FLT1: variants seen among roughly 807,000 people sequenced by gnomAD.
FLT1 encodes the protein fms related receptor tyrosine kinase 1, also known as vascular endothelial growth factor receptor 1.
In FLT1, 49 loss-of-function variants were observed where a neutral mutation model predicts 156.3. The ratio of observed to expected loss-of-function variants is 0.31; its 90% CI spans 0.25 to 0.40. The LOEUF (loss-of-function observed/expected upper bound fraction) is 0.40. Ranked by LOEUF, FLT1 falls within the 10% of genes least tolerant of loss-of-function variation. FLT1 has a pLI of 1.00. For missense variants in FLT1, 1,322 were observed against 1,637.2 expected (o/e 0.81, Z 3.32); for synonymous variants, 594 against 583.8 (o/e 1.02, Z -0.25).
intron 15 of FLT1, among the ~76,000 whole-genome samples, chr13:28,349,729 A>T (rs1173602581): frequency 6.6e-6 from 1 of 152,160 alleles, no homozygotes; most frequent in East Asian, 1.9e-4. Flanking sequence ...GTCTAATTCC[A>T]CAGTCCTTAC....
At chr13:28,465,715 C>T (rs752725812) in intron 3 of FLT1, among the ~76,000 whole-genome samples, 2 of 152,056 alleles carry the variant, frequency 1.3e-5, no homozygotes, top group African/African-American at 2.4e-5. Context: ...TGGTGGCAGA[C>T]GCCTGTAATC....
intron 27 of FLT1, among the ~76,000 whole-genome samples, chr13:28,310,282 A>T (rs1336100665): frequency 6.6e-6 from 1 of 152,130 alleles, no homozygotes; most frequent in Non-Finnish European, 1.5e-5. Context: ...CCTACTGCAA[A>T]GAGAGATGCT....
intron 10 of FLT1, among the ~76,000 whole-genome samples, chr13:28,418,765 CCTCT>C (rs1477710958): frequency 6.6e-6 from 1 of 151,802 alleles, no homozygotes; most frequent in Non-Finnish European, 1.5e-5. Context: ...AGAGATGGGG[CCTCT>C]CTATGTTGCC....
At chr13:28,347,468 C>G (rs1226941259) in intron 15 of FLT1, among the ~76,000 whole-genome samples, 2 of 152,022 alleles carry the variant, frequency 1.3e-5, no homozygotes, top group Non-Finnish European at 2.9e-5. Context: ...TTGCAGTGAG[C>G]TGAGATCGCA....
intron 14 of FLT1, among the ~76,000 whole-genome samples, chr13:28,369,435 G>A (rs1279796626): frequency 6.6e-6 from 1 of 151,794 alleles, no homozygotes; most frequent in Non-Finnish European, 1.5e-5. Context: ...TGAGGCAGGA[G>A]AATTGCTTGA....
At chr13:28,314,980 A>T (rs1454024640) in intron 25 of FLT1, among the ~76,000 whole-genome samples, 1 of 152,114 alleles carries the variant, frequency 6.6e-6, no homozygotes, top group Non-Finnish European at 1.5e-5. Context: ...CCTCTGAGTT[A>T]TTTGCGACCA....
chr13:28,381,213 A>ATCTT (rs1251512361), intron 14 of FLT1, among the ~76,000 whole-genome samples: 2 of 152,148 alleles, frequency 1.3e-5, no homozygotes, highest in Non-Finnish European at 2.9e-5. Flanking sequence ...TCCTACACTA[A>ATCTT]TCTTTCATAA....
intron 14 of FLT1, among the ~76,000 whole-genome samples, chr13:28,363,090 A>T (rs1465276278): frequency 2.0e-5 from 3 of 152,090 alleles, no homozygotes; most frequent in Middle Eastern, 6.4e-3. Context: ...TACTTAATTC[A>T]TTGTTGTCTC....
rs1346648905 is a variant in FLT1, at chr13:28,439,533, T to C, written c.389-1188A>G. ...GAACTGTGTCCCCACCAAAACGATA[T>C]GCTGAAGTCCTAACCCCCCTGTACT... On this transcript the variant is annotated intron_variant, in intron 3 of 29. Transcript: ENST00000282397. This position sits in a 1 kb window ranked among gnomAD's most constrained non-coding sequence, Gnocchi z 4.1. Among the ~76,000 whole-genome samples, 3 of 152,238 alleles carry C rather than the reference T, an allele frequency of 2.0e-5. No individual in the cohort carries two copies. Among genetic ancestry groups the C allele is most frequent in the South Asian group, 2.1e-4 (1 of 4,832 alleles).
At chr13:28,345,900 C>G (rs975058952) in intron 15 of FLT1, 2 of 224,440 alleles carry the variant, frequency 8.9e-6, no homozygotes, top group Admixed American at 5.2e-5. Context: ...GGAACAAAAG[C>G]CCATTAAAAT....
Position 28,333,931 on chromosome 13 carries a change from G to T in FLT1, c.2593+94C>A, listed in dbSNP as rs1872021094. 8.2e-6 allele frequency: 7 copies of T among 850,980 alleles called. No homozygotes were observed. The Admixed American group carries it at 1.2e-4, about 14-fold the overall frequency. The allele number at this position is 850,980 out of a possible 1,614,324, so 52.7% of individuals were successfully genotyped here. Reference sequence around the variant, plus strand: ...TTATGTGTCCAGAGCAGAAAAGCTTGTGTCTGTTCCCAGGCTATATCTAAC... The same window carrying T: ...TTATGTGTCCAGAGCAGAAAAGCTTTTGTCTGTTCCCAGGCTATATCTAAC... On this transcript the variant is annotated intron_variant, in intron 18 of 29. Transcript: ENST00000282397.
rs113851009 is a variant in FLT1 at position 28,317,643 on chromosome 13, G to A, written c.3287-46C>T. ...AACACAGGGCCTGTTATGGCTTAAG[G>A]GTACAAAAGACCAAGAGGGGACAAT... On this transcript the variant is annotated intron_variant, in intron 24 of 29. Transcript: ENST00000282397. 324 of 1,238,862 alleles carry A rather than the reference G, an allele frequency of 2.6e-4. No homozygotes were observed. The African/African-American group carries it at 4.1e-3, about 16-fold the overall frequency. The allele number at this position is 1,238,862 out of a possible 1,614,324, so 76.7% of individuals were successfully genotyped here.
intron 6 of FLT1, among the ~76,000 whole-genome samples, 158 bp from the exon 7 acceptor site, chr13:28,431,468 C>T (rs1877678329): frequency 6.6e-6 from 1 of 152,208 alleles, no homozygotes; most frequent in Non-Finnish European, 1.5e-5. Flanking sequence ...TTGGAAACTA[C>T]ATCTGTGTCT....
At chr13:28,447,559 T>G (rs1176764210) in intron 3 of FLT1, among the ~76,000 whole-genome samples, 2 of 151,986 alleles carry the variant, frequency 1.3e-5, no homozygotes, top group East Asian at 3.9e-4. Context: ...TTCTTATATA[T>G]GATACCAAAA....
At chr13:28,399,659 G>A (rs1282252278) in intron 11 of FLT1, among the ~76,000 whole-genome samples, 1 of 152,160 alleles carries the variant, frequency 6.6e-6, no homozygotes, top group Non-Finnish European at 1.5e-5. Context: ...GAGGTGCCCC[G>A]AAGTGAAATG....
rs61681066 is a variant in FLT1, at chr13:28,415,770, A to G, written c.1437-9876T>C. Among the ~76,000 whole-genome samples the G allele has an allele frequency of 6.8e-3, 1,035 of 152,304 alleles. 7 individuals carry two copies. The highest frequency in any genetic ancestry group is 0.023 in the African/African-American group (938 of 41,570). The stretch of plus-strand genomic sequence containing the variant: ...TGAATAGCTGAGGTAGAATTCACCA[A>G]TGAGAGTAGATCCTTGGATACTGTA... On this transcript the variant is annotated intron_variant, in intron 10 of 29. Coordinates refer to ENST00000282397, the MANE Select transcript of FLT1 (RefSeq NM_002019.4).
intron 6 of FLT1, among the ~76,000 whole-genome samples, chr13:28,432,784 G>T (rs1244943626): frequency 6.6e-6 from 1 of 152,216 alleles, no homozygotes; most frequent in Admixed American, 6.5e-5. Flanking sequence ...CAGCAGCAAT[G>T]CTAGCAGGAT....
intron 12 of FLT1, among the ~76,000 whole-genome samples, chr13:28,392,649 C>T (rs1403792281): frequency 1.3e-5 from 2 of 152,260 alleles, no homozygotes; most frequent in South Asian, 2.1e-4. Context: ...TTATCTTTGC[C>T]AAGCACCACC....
chr13:28,321,219 G>A (rs919837217), intron 23 of FLT1, among the ~76,000 whole-genome samples: 3 of 152,156 alleles, frequency 2.0e-5, no homozygotes, highest in Non-Finnish European at 2.9e-5. Context: ...CAAGTCTCAC[G>A]CAGCGCTGCC....
Sources: gnomAD v4.1 joint callset for allele counts (sites outside exome capture counted in the v4.1 genomes callset) on GRCh38, gnomAD v4.1.1 for gene constraint, Gnocchi (gnomAD v3.1) non-coding constraint, MANE v1.5 for transcripts, NCBI Gene and HGNC (gene_info 2026-07-23, HGNC 2026-07-21) for gene names.